Variants in TRPC3 observed in about 807,000 individuals in gnomAD.
TRPC3 encodes transient receptor potential cation channel subfamily C member 3.
A neutral mutation model predicts 90.9 loss-of-function variants in TRPC3; 54 were observed. The observed-to-expected ratio is 0.59, with a 90% confidence interval of 0.48 to 0.75. TRPC3 has a LOEUF of 0.75. Ranked by LOEUF, TRPC3 falls within the 30% of genes least tolerant of loss-of-function variation. The pLI is 0.00. For missense variants in TRPC3, 918 were observed against 1,194.5 expected (o/e 0.77, Z 3.41); for synonymous variants, 424 against 450.9 (o/e 0.94, Z 0.75).
At chr4:121,911,605 T>C (rs1485769379) in intron 5 of TRPC3, among the ~76,000 whole-genome samples, 1 of 152,202 alleles carries the variant, frequency 6.6e-6, no homozygotes, top group African/African-American at 2.4e-5. Context: ...AAAACTTACA[T>C]CTTGTTCAAT....
At chr4:121,895,426 T>C (rs1481258096) in intron 10 of TRPC3, among the ~76,000 whole-genome samples, 3 of 151,184 alleles carry the variant, frequency 2.0e-5, no homozygotes, top group Admixed American at 2.0e-4. Context: ...TAAACAAAAT[T>C]GACAAATCAT....
At chr4:121,933,173 A>G in intron 1 of TRPC3, 131 bp from the exon 2 acceptor site, 2 of 1,376,306 alleles carry the variant, frequency 1.5e-6, no homozygotes, top group South Asian at 2.0e-5. Flanking sequence ...CTCAGTTGCT[A>G]GCGATACCGT....
chr4:121,929,091 T>C (rs886303606), intron 2 of TRPC3, among the ~76,000 whole-genome samples: 1 of 152,170 alleles, frequency 6.6e-6, no homozygotes, highest in African/African-American at 2.4e-5. Context: ...ACAAATTAGG[T>C]GCTAAGAAGT....
intron 9 of TRPC3, among the ~76,000 whole-genome samples, chr4:121,901,807 CTTCTT>C (rs1444401378): frequency 6.6e-6 from 1 of 152,170 alleles, no homozygotes; most frequent in Non-Finnish European, 1.5e-5. Flanking sequence ...TCGAAGCTCT[CTTCTT>C]TGTCTTATAC....
At chr4:121,943,839 G>C (rs1730400910) in intron 1 of TRPC3, among the ~76,000 whole-genome samples, 1 of 152,030 alleles carries the variant, frequency 6.6e-6, no homozygotes, top group Non-Finnish European at 1.5e-5. Context: ...GGACATTTAA[G>C]TCTCATTTTT....
At chr4:121,939,402 C>T (rs947093631) in intron 1 of TRPC3, among the ~76,000 whole-genome samples, 4 of 152,138 alleles carry the variant, frequency 2.6e-5, no homozygotes, top group African/African-American at 7.2e-5. Context: ...TCCTGAAGGA[C>T]CCTGATCATA....
At chr4:121,912,752 T>C (rs1729153913) in intron 4 of TRPC3, among the ~76,000 whole-genome samples, 1 of 152,198 alleles carries the variant, frequency 6.6e-6, no homozygotes, top group South Asian at 2.1e-4. Flanking sequence ...AGTTGGATAA[T>C]CATGTAAATG....
intron 3 of TRPC3, among the ~76,000 whole-genome samples, chr4:121,922,846 C>T (rs549673266): frequency 9.9e-5 from 15 of 152,204 alleles, no homozygotes; most frequent in Admixed American, 2.6e-4. Context: ...AGCAAGAATG[C>T]TCTGAGAGGG....
intron 2 of TRPC3, among the ~76,000 whole-genome samples, chr4:121,926,820 C>G (rs933248084): frequency 1.3e-5 from 2 of 152,154 alleles, no homozygotes; most frequent in African/African-American, 4.8e-5. Context: ...AAGTGTAGTC[C>G]TCAGACCAGC....
At chr4:121,924,429 A>C (rs1729629888) in intron 3 of TRPC3, among the ~76,000 whole-genome samples, 1 of 152,216 alleles carries the variant, frequency 6.6e-6, no homozygotes, top group South Asian at 2.1e-4. Flanking sequence ...AAAATTTATG[A>C]CTTATTCAAG....
At chr4:121,923,237 C>G (rs1414265653) in intron 3 of TRPC3, among the ~76,000 whole-genome samples, 1 of 152,150 alleles carries the variant, frequency 6.6e-6, no homozygotes, top group Non-Finnish European at 1.5e-5. Flanking sequence ...GATATGGGAG[C>G]AGCAGAGGCA....
At chr4:121,926,942 C>T (rs898917769) in intron 2 of TRPC3, among the ~76,000 whole-genome samples, 1 of 152,172 alleles carries the variant, frequency 6.6e-6, no homozygotes, top group African/African-American at 2.4e-5. Context: ...TGTTTTCACA[C>T]ACCCTTCAGA....
chr4:121,894,918 TA>T (rs1728468371), intron 10 of TRPC3, among the ~76,000 whole-genome samples: 1 of 152,054 alleles, frequency 6.6e-6, no homozygotes, highest in African/African-American at 2.4e-5. Context: ...TGTTAGGACA[TA>T]AAACAAGTCT....
intron 7 of TRPC3, among the ~76,000 whole-genome samples, chr4:121,905,575 C>T (rs561015931): frequency 8.1e-4 from 123 of 152,198 alleles, no homozygotes; most frequent in Non-Finnish European, 1.1e-3. Context: ...AATTAGTAAT[C>T]ATTAAATTAA....
intron 3 of TRPC3, among the ~76,000 whole-genome samples, chr4:121,918,495 A>G (rs1400968966): frequency 6.6e-6 from 1 of 152,224 alleles, no homozygotes; most frequent in Admixed American, 6.5e-5. Flanking sequence ...AGCTTCAAAG[A>G]CTTGATGGAC....
Position 121,908,527 on chromosome 4 carries a change from C to A in TRPC3, c.1793-960G>T, listed in dbSNP as rs967437354. ...TACAGAAAATGTGGTACATATACTC[C>A]ATGGAATACTATGCAGCCACAAAAA... On this transcript the variant is annotated intron_variant, in intron 6 of 11. Transcript: ENST00000379645. Among the ~76,000 whole-genome samples the A allele has an allele frequency of 2.7e-4, 41 of 152,102 alleles. 1 individual carries two copies. Among genetic ancestry groups the A allele is most frequent in the African/African-American group, 8.0e-4 (33 of 41,418 alleles).
chr4:121,874,984 A>T lies in TRPC3; in HGVS notation c.*4752T>A, dbSNP rs985367978. On this transcript the variant is annotated 3_prime_UTR_variant, in exon 12 of 12. Transcript: ENST00000379645. Reference sequence around the variant, plus strand: ...TAAAAAACAAACAAAAAACTAACTTAAAAAAAATGAAAAGTAAAGATAAAC... The same window carrying T: ...TAAAAAACAAACAAAAAACTAACTTTAAAAAAATGAAAAGTAAAGATAAAC... Among the ~76,000 whole-genome samples, 13 of 152,070 alleles carry T rather than the reference A, an allele frequency of 8.5e-5. No homozygotes were observed. The highest frequency in any genetic ancestry group is 2.0e-4 in the Admixed American group (3 of 15,270).
chr4:121,894,389 T>A (rs1728437556), intron 10 of TRPC3, among the ~76,000 whole-genome samples: 1 of 151,838 alleles, frequency 6.6e-6, no homozygotes, highest in Non-Finnish European at 1.5e-5. Flanking sequence ...GAGAAATATA[T>A]CCTAATATAA....
chr4:121,934,795 A>AT (rs1730073176), intron 1 of TRPC3, among the ~76,000 whole-genome samples: 1 of 152,160 alleles, frequency 6.6e-6, no homozygotes, highest in African/African-American at 2.4e-5. Context: ...CACAGAAGCC[A>AT]CTGGCTTCTC....
Sources: gnomAD v4.1 joint callset for allele counts (sites outside exome capture counted in the v4.1 genomes callset) on GRCh38, gnomAD v4.1.1 for gene constraint, MANE v1.5 for transcripts, NCBI Gene and HGNC (gene_info 2026-07-23, HGNC 2026-07-21) for gene names.